Variants in WDR70 observed in about 807,000 individuals in gnomAD.
The protein encoded by WDR70 is WD repeat-containing protein 70.
In WDR70, 53 loss-of-function variants were observed where a neutral mutation model predicts 88.6. The observed-to-expected ratio is 0.60, with a 90% CI of 0.48 to 0.75. WDR70 has a LOEUF of 0.75. Ranked by LOEUF, WDR70 falls within the 30% of genes least tolerant of loss-of-function variation. WDR70 has a pLI of 0.00. For synonymous variants in WDR70, 280 were observed against 270.0 expected (o/e 1.04, Z -0.36); for missense variants, 610 against 823.2 (o/e 0.74, Z 3.17).
intron 3 of WDR70, among the ~76,000 whole-genome samples, chr5:37,389,728 T>C (rs1329564279): frequency 6.6e-6 from 1 of 152,168 alleles, no homozygotes; most frequent in African/African-American, 2.4e-5. Context: ...TTCTTAAATC[T>C]GGACACTGCT....
In WDR70 at chr5:37,528,558, A is replaced by G. The variant is rs187579741; in HGVS notation, c.917+11968A>G. 8.5e-5 allele frequency among the ~76,000 whole-genome samples: 13 copies of G among 152,244 alleles called. No homozygotes were observed. The South Asian group carries it at 2.5e-3, about 29-fold the overall frequency. Reference sequence around the variant, plus strand: ...ATGAGTTAATGGGTGGAGCACACCAACATGGCACATGTAAACATATGTAAC... The same window carrying G: ...ATGAGTTAATGGGTGGAGCACACCAGCATGGCACATGTAAACATATGTAAC... On this transcript the variant is annotated intron_variant, in intron 9 of 17. Coordinates refer to ENST00000265107, the MANE Select transcript of WDR70 (RefSeq NM_018034.4).
chr5:37,415,665 A>AC (rs535329599), intron 5 of WDR70, among the ~76,000 whole-genome samples: 3,380 of 134,660 alleles, frequency 0.025, 127 homozygotes, highest in African/African-American at 0.089. Flanking sequence ...CGGGGGGCTG[A>AC]CCCCCCCACC....
intron 9 of WDR70, among the ~76,000 whole-genome samples, chr5:37,569,032 A>G (rs1323260887): frequency 4.6e-5 from 7 of 152,152 alleles, no homozygotes. Flanking sequence ...GCCACAATAT[A>G]TACATGAGGG....
At position 37,701,044 on chromosome 5, in the gene WDR70, C is replaced by A; in HGVS notation, c.1193-14C>A. The A allele has an allele frequency of 6.4e-7, 1 of 1,564,530 alleles. No individual in the cohort carries two copies. ...CACTTTTCTGTCTTTTTTTTCCCCTCATTCCTCTGTCAGGTGACGATTCAT... is the reference window on the plus strand; with the variant it reads ...CACTTTTCTGTCTTTTTTTTCCCCTAATTCCTCTGTCAGGTGACGATTCAT... On this transcript the variant is annotated splice_polypyrimidine_tract_variant and intron_variant, in intron 11 of 17. Transcript: ENST00000265107.
At chr5:37,437,848 C>T in intron 5 of WDR70, 74 bp from the exon 6 acceptor site, 3 of 1,370,300 alleles carry the variant, frequency 2.2e-6, no homozygotes, top group Admixed American at 2.6e-5. Context: ...ATTGTATTTC[C>T]TGTGAAATGT....
At chr5:37,641,676 CA>C (rs1745107812) in intron 10 of WDR70, among the ~76,000 whole-genome samples, 1 of 152,108 alleles carries the variant, frequency 6.6e-6, no homozygotes, top group Non-Finnish European at 1.5e-5. Flanking sequence ...CTCGGCCTCC[CA>C]AAGTGCTGGG....
At chr5:37,673,451 G>A (rs1290818006) in intron 10 of WDR70, among the ~76,000 whole-genome samples, 1 of 151,980 alleles carries the variant, frequency 6.6e-6, no homozygotes, top group Non-Finnish European at 1.5e-5. Flanking sequence ...TGGTGGTTCT[G>A]TTTTTAGCCC....
intron 3 of WDR70, among the ~76,000 whole-genome samples, chr5:37,387,784 C>G (rs973882330): frequency 7.9e-5 from 12 of 152,032 alleles, no homozygotes; most frequent in African/African-American, 2.9e-4. Context: ...ACCCTAGTTT[C>G]CTACCATGAG....
chr5:37,593,265 G>T (rs921726982), intron 9 of WDR70, among the ~76,000 whole-genome samples: 3 of 152,080 alleles, frequency 2.0e-5, no homozygotes, highest in Non-Finnish European at 2.9e-5. Flanking sequence ...CCATGAACAC[G>T]TCATTTACAT....
At chr5:37,661,759 C>G (rs4869540) in intron 10 of WDR70, among the ~76,000 whole-genome samples, 2,289 of 152,208 alleles carry the variant, frequency 0.015, 35 homozygotes, top group Admixed American at 0.048. Context: ...GTTAGCTGAT[C>G]CATCAAGTGC....
At chr5:37,539,364 T>C (rs1741750352) in intron 9 of WDR70, among the ~76,000 whole-genome samples, 1 of 152,102 alleles carries the variant, frequency 6.6e-6, no homozygotes, top group African/African-American at 2.4e-5. Flanking sequence ...CCTAATCCAA[T>C]ATGACTGGTA....
intron 3 of WDR70, among the ~76,000 whole-genome samples, chr5:37,387,078 G>A (rs1189451257): frequency 6.7e-6 from 1 of 148,512 alleles, no homozygotes; most frequent in Non-Finnish European, 1.5e-5. Flanking sequence ...CAGCCTGGGC[G>A]ACGAGAGCAA....
At chr5:37,486,678 T>A (rs1231319450) in intron 8 of WDR70, among the ~76,000 whole-genome samples, 3 of 152,024 alleles carry the variant, frequency 2.0e-5, no homozygotes, top group Non-Finnish European at 4.4e-5. Flanking sequence ...CTGACTGGTG[T>A]GAGATGGTAT....
At chr5:37,626,435 C>T (rs897870879) in intron 10 of WDR70, among the ~76,000 whole-genome samples, 4 of 152,138 alleles carry the variant, frequency 2.6e-5, no homozygotes, top group African/African-American at 9.7e-5. Flanking sequence ...TATGTTGAGA[C>T]ATCCTTGCAT....
chr5:37,693,539 G>C lies in WDR70; in HGVS notation c.1093-4116G>C, dbSNP rs547561434. 2.1e-4 allele frequency among the ~76,000 whole-genome samples: 32 copies of C among 152,026 alleles called. 1 individual carries two copies. Among genetic ancestry groups the C allele is most frequent in the Admixed American group, 1.6e-3 (25 of 15,262 alleles). On this transcript the variant is annotated intron_variant, in intron 10 of 17. Coordinates refer to ENST00000265107, the MANE Select transcript of WDR70 (RefSeq NM_018034.4). ...TATAGACCAATGGAACAGAACAGAG[G>C]CCTCAGAAATAACACATCTACAACC...
At chr5:37,557,963 T>TCTTCAAA (rs1742362412) in intron 9 of WDR70, among the ~76,000 whole-genome samples, 1 of 143,764 alleles carries the variant, frequency 7.0e-6, no homozygotes. Flanking sequence ...GAGTATTATG[T>TCTTCAAA]ATATTTATTA....
intron 17 of WDR70, among the ~76,000 whole-genome samples, chr5:37,745,853 A>G: frequency 6.6e-6 from 1 of 152,046 alleles, no homozygotes; most frequent in Non-Finnish European, 1.5e-5. Flanking sequence ...CTCCACTGTC[A>G]GTGTTAGATC....
intron 8 of WDR70, chr5:37,506,050 G>T: frequency 7.3e-7 from 1 of 1,370,666 alleles, no homozygotes; most frequent in South Asian, 1.2e-5. Flanking sequence ...GCACAGTCAA[G>T]CACTGATCCA....
rs184436601 is a variant in WDR70 at position 37,622,068 on chromosome 5, G to A, written c.1092+16830G>A. ...ATGCGGCATTATTTCTGCGGGCTCT[G>A]TTCTGTTCCATTGGTCTATATCTCT... On this transcript the variant is annotated intron_variant, in intron 10 of 17. Transcript: ENST00000265107. Among the ~76,000 whole-genome samples the A allele has an allele frequency of 9.1e-3, 1,383 of 152,208 alleles. 6 individuals are homozygous for A. The highest frequency in any genetic ancestry group is 0.02 in the Middle Eastern group (6 of 294).
Sources: gnomAD v4.1 joint callset for allele counts (sites outside exome capture counted in the v4.1 genomes callset) on GRCh38, gnomAD v4.1.1 for gene constraint, MANE v1.5 for transcripts, NCBI Gene and HGNC (gene_info 2026-07-23, HGNC 2026-07-21) for gene names.